Variants in ABCA12 observed in about 807,000 individuals in gnomAD.
The protein encoded by ABCA12 is glucosylceramide transporter ABCA12.
A neutral mutation model predicts 293.5 loss-of-function variants in ABCA12; 156 were observed. That is an observed-to-expected ratio of 0.53 (90% CI 0.47 to 0.61). The LOEUF (loss-of-function observed/expected upper bound fraction) is 0.61, where lower values mean the gene tolerates loss of function less well. Ranked by LOEUF, ABCA12 falls within the 20% of genes least tolerant of loss-of-function variation. The pLI, the probability that ABCA12 is intolerant of heterozygous loss-of-function variation, is 0.00. For missense variants in ABCA12, 2,797 were observed against 3,090.2 expected, an observed-to-expected ratio of 0.91 and a Z score of 2.25; for synonymous variants, 1,063 against 1,108.0, an observed-to-expected ratio of 0.96 and a Z score of 0.81.
chr2:214,954,061 A>T lies in ABCA12; in HGVS notation c.6440T>A (p.Phe2147Tyr), dbSNP rs1698865183. ...ACCGTAGCCAAAACAGAATTGTGGGAAAATCAGGAAAATGCGCTTGAGGGT... is the reference window on the plus strand; with the variant it reads ...ACCGTAGCCAAAACAGAATTGTGGGTAAATCAGGAAAATGCGCTTGAGGGT... ...SETLKRIFLI[F>Y]PQFCFGYGLI... Residue 2147 changes from phenylalanine to tyrosine, a missense_variant, in exon 44 of 53, where the codon TTC becomes TAC. Phe to Tyr is a conservative substitution (Grantham distance 22). Around this residue, in one of 3 missense-constraint regions of ABCA12, gnomAD observed 2,130 missense variants for 2,427.0 expected, o/e 0.88. Coordinates refer to ENST00000272895, the MANE Select transcript of ABCA12 (RefSeq NM_173076.3). 1 of 1,613,970 alleles carries T rather than the reference A, an allele frequency of 6.2e-7. No individual in the cohort carries two copies. The highest frequency in any genetic ancestry group is 1.3e-5 in the African/African-American group (1 of 74,932).
intron 23 of ABCA12, among the ~76,000 whole-genome samples, chr2:214,992,139 T>G (rs572536498): frequency 6.6e-6 from 1 of 152,182 alleles, no homozygotes; most frequent in South Asian, 2.1e-4. Context: ...GTTTCTAATT[T>G]TAACAATTCA....
At chr2:215,007,661 T>C (rs1342752379) in intron 19 of ABCA12, 66 bp downstream of exon 19, 4 of 1,596,794 alleles carry the variant, frequency 2.5e-6, no homozygotes, top group Non-Finnish European at 2.6e-6. Flanking sequence ...GTTCACATAT[T>C]GAAGGCAATT....
Position 214,949,060 on chromosome 2 carries a change from A to G in ABCA12, c.6942T>C (p.Ile2314=), listed in dbSNP as rs146750785. The change falls in exon 46 of 53, where the codon ATT becomes ATC. Residue 2314 remains isoleucine, a synonymous_variant. Transcript: ENST00000272895. ...CATACCCGGTCTTATTTCTGATCAG[A>G]ATGTTTCCACTTGAAGGAATGATGT... ...TGDIIPSSGN[I]LIRNKTGSLG... is the part of the protein sequence containing the mutation. 3.0e-5 allele frequency: 49 copies of G among 1,613,546 alleles called. No individual in the cohort carries two copies. The highest frequency in any genetic ancestry group is 4.0e-5 in the Non-Finnish European group (47 of 1,179,736).
At chr2:215,100,613 A>T (rs1261606786) in intron 2 of ABCA12, among the ~76,000 whole-genome samples, 1 of 152,062 alleles carries the variant, frequency 6.6e-6, no homozygotes. Context: ...ATTATATTTA[A>T]TTTTTTGTTT....
At position 215,138,444 on chromosome 2, in the gene ABCA12, C is replaced by A; in HGVS notation, c.-236G>T. ...TCAACTCTTCTTCCAAAAGAAGGAC[C>A]CAGATCAGTATCTTTGGGTGGCTTA... On this transcript the variant is annotated 5_prime_UTR_variant, in exon 1 of 53. Coordinates refer to ENST00000272895, the MANE Select transcript of ABCA12 (RefSeq NM_173076.3). 1 of 566,508 alleles carries A rather than the reference C, an allele frequency of 1.8e-6. No individual in the cohort carries two copies. Among genetic ancestry groups the A allele is most frequent in the South Asian group, 2.0e-5 (1 of 49,840 alleles). 35.1% of individuals were successfully genotyped at this position (566,508 alleles called of 1,614,324 possible).
At position 215,122,060 on chromosome 2, in the gene ABCA12, C is replaced by T. The variant is rs1047782539; in HGVS notation, c.70-10370G>A. Among the ~76,000 whole-genome samples the T allele has an allele frequency of 3.9e-5, 6 of 152,144 alleles. 1 individual carries two copies. The highest frequency in any genetic ancestry group is 1.4e-4 in the African/African-American group (6 of 41,444). On this transcript the variant is annotated intron_variant, in intron 1 of 52. Coordinates refer to ENST00000272895, the MANE Select transcript of ABCA12 (RefSeq NM_173076.3). ...TGGAATCAAGAAAGTTTTGTGAAAT[C>T]CGTACTTATAGATTTGAAATTTAAA...
chr2:214,952,226 T>G (rs1181704219), intron 44 of ABCA12, among the ~76,000 whole-genome samples: 45 of 148,642 alleles, frequency 3.0e-4, no homozygotes, highest in African/African-American at 4.5e-4. Flanking sequence ...TTTGTTGTTT[T>G]TTTTTTTTTT....
chr2:215,073,381 C>G (rs1438011772), intron 2 of ABCA12, among the ~76,000 whole-genome samples: 2 of 152,016 alleles, frequency 1.3e-5, no homozygotes, highest in East Asian at 3.9e-4. Context: ...GACATTCTCC[C>G]TCTAAAATTT....
chr2:214,995,299 T>C (rs1700009703), intron 23 of ABCA12, among the ~76,000 whole-genome samples: 2 of 152,162 alleles, frequency 1.3e-5, no homozygotes, highest in Admixed American at 6.5e-5. Context: ...TTGGTTTAAT[T>C]TGAATGAGAA....
intron 15 of ABCA12, among the ~76,000 whole-genome samples, chr2:215,014,771 T>C (rs908084674): frequency 2.0e-5 from 3 of 152,232 alleles, no homozygotes; most frequent in Non-Finnish European, 2.9e-5. Context: ...CTCAAAAATA[T>C]GTCAGCTATT....
chr2:215,104,694 C>T (rs536645164), intron 2 of ABCA12, among the ~76,000 whole-genome samples: 22 of 152,198 alleles, frequency 1.4e-4, no homozygotes, highest in African/African-American at 3.4e-4. Flanking sequence ...GGTCTTTGGC[C>T]GTGAAATTCA....
chr2:215,040,692 A>G (rs1441186798), intron 7 of ABCA12, among the ~76,000 whole-genome samples: 6 of 152,222 alleles, frequency 3.9e-5, no homozygotes, highest in Non-Finnish European at 7.4e-5. Context: ...CATGCCTGTA[A>G]TCCCAGCTAC....
intron 3 of ABCA12, among the ~76,000 whole-genome samples, chr2:215,056,913 C>G (rs1254885675): frequency 6.6e-6 from 1 of 152,058 alleles, no homozygotes; most frequent in African/African-American, 2.4e-5. Flanking sequence ...CTTCTTAGAA[C>G]AGTGGTTGAG....
At chr2:215,095,698 T>C (rs1431787349) in intron 2 of ABCA12, among the ~76,000 whole-genome samples, 1 of 152,114 alleles carries the variant, frequency 6.6e-6, no homozygotes, top group East Asian at 1.9e-4. Context: ...CCTGCACATA[T>C]ACATCCAGAT....
intron 36 of ABCA12, among the ~76,000 whole-genome samples, chr2:214,972,181 CTG>C (rs1296882827): frequency 1.3e-5 from 2 of 152,100 alleles, no homozygotes; most frequent in Non-Finnish European, 2.9e-5. Context: ...ATTCTCTACT[CTG>C]TGGATTTCCT....
chr2:214,974,996 C>T (rs867227151), intron 34 of ABCA12, 132 bp from the exon 35 acceptor site: 21 of 811,118 alleles, frequency 2.6e-5, no homozygotes, highest in Non-Finnish European at 3.4e-5. Context: ...AGAGTCTTGC[C>T]GTGTTGCCCA....
At chr2:214,994,382 G>C (rs1699992227) in intron 23 of ABCA12, among the ~76,000 whole-genome samples, 1 of 152,190 alleles carries the variant, frequency 6.6e-6, no homozygotes. Flanking sequence ...AAACCCCGCT[G>C]CCTAGTAGCC....
chr2:214,948,578 T>G lies in ABCA12; in HGVS notation c.7104+18A>C, dbSNP rs1235359266. On this transcript the variant is annotated intron_variant, in intron 47 of 52. Coordinates refer to ENST00000272895, the MANE Select transcript of ABCA12 (RefSeq NM_173076.3). ...AATAATGGTTTCAAATTAAGTAATT[T>G]TTCACACTTGTACTCACTTCTTTAA... The G allele has an allele frequency of 6.2e-7, 1 of 1,613,594 alleles. No homozygotes were observed.
intron 18 of ABCA12, 48 bp downstream of exon 18, chr2:215,010,283 A>G: frequency 6.2e-7 from 1 of 1,609,618 alleles, no homozygotes. Context: ...GACTACTTTA[A>G]AAAACATCTT....
Sources: allele counts gnomAD v4.1 joint callset (sites outside exome capture counted in the v4.1 genomes callset), GRCh38; gene constraint gnomAD v4.1.1; regional missense constraint gnomAD v4.1.1; transcripts MANE v1.5; gene names NCBI Gene and HGNC (gene_info 2026-07-23, HGNC 2026-07-21).